Variants in HEPACAM2 observed in about 807,000 individuals in gnomAD.
The protein encoded by HEPACAM2 is mitotic kinetics regulator.
In HEPACAM2, 49 loss-of-function variants were observed where a neutral mutation model predicts 49.6. The ratio of observed to expected loss-of-function variants is 0.99; its 90% confidence interval spans 0.78 to 1.25. The LOEUF (loss-of-function observed/expected upper bound fraction) is 1.25. Ranked by LOEUF, HEPACAM2 falls within the 50% of genes most tolerant of loss-of-function variation. HEPACAM2 has a pLI of 0.00. For synonymous variants in HEPACAM2, 197 were observed against 202.9 expected, an observed-to-expected ratio of 0.97 and a Z score of 0.25; for missense variants, 525 against 557.2, an observed-to-expected ratio of 0.94 and a Z score of 0.58.
intron 4 of HEPACAM2, 21 bp from the exon 5 acceptor site, chr7:93,197,631 A>G: frequency 1.3e-6 from 2 of 1,534,658 alleles, no homozygotes; most frequent in South Asian, 1.2e-5. Context: ...AGATAAACAT[A>G]TTTTTAGCAA....
At chr7:93,213,504 A>G (rs1223104917) in intron 3 of HEPACAM2, among the ~76,000 whole-genome samples, 1 of 152,148 alleles carries the variant, frequency 6.6e-6, no homozygotes, top group Non-Finnish European at 1.5e-5. Flanking sequence ...TATAATGAAG[A>G]AGCTGTCACC....
In HEPACAM2 at chr7:93,204,325, T is replaced by C. The variant is rs546136934; in HGVS notation, c.1012+4255A>G. On this transcript the variant is annotated intron_variant, in intron 4 of 9. Transcript: ENST00000394468. Reference sequence around the variant, plus strand: ...GATGATTACATTTCCATAAACATTCTCTATCTATCTATCTATCTATCTATC... The same window carrying C: ...GATGATTACATTTCCATAAACATTCCCTATCTATCTATCTATCTATCTATC... Among the ~76,000 whole-genome samples the C allele has an allele frequency of 5.9e-4, 11 of 18,638 alleles. No individual in the cohort carries two copies. The East Asian group carries it at 7.1e-3, about 12-fold the overall frequency. 12.2% of individuals were successfully genotyped at this position (18,638 alleles called of 152,430 possible). A position where few individuals can be genotyped will look rare whatever the true frequency, so the allele number is the denominator to read the frequency against.
At position 93,215,446 on chromosome 7, in the gene HEPACAM2, G is replaced by C. The variant is rs774928451; in HGVS notation, c.670C>G (p.Pro224Ala). ...IGNYSCLVRN[P>A]VSEMESDIIM... is the part of the protein sequence containing the mutation. The stretch of plus-strand genomic sequence containing the variant: ...ATATCACTTTCCATTTCACTGACAG[G>C]GTTCCTCACCAGGCAGCTGTAATTC... The change falls in exon 3 of 10, where the codon CCT becomes GCT. Residue 224 changes from proline to alanine, a missense_variant. Pro to Ala is a conservative substitution (Grantham distance 27). Transcript: ENST00000394468. 1 of 1,613,764 alleles carries C rather than the reference G, an allele frequency of 6.2e-7. No homozygotes were observed. The highest frequency in any genetic ancestry group is 1.7e-5 in the Admixed American group (1 of 59,962).
At chr7:93,193,977 C>T (rs908570742) in intron 8 of HEPACAM2, among the ~76,000 whole-genome samples, 1 of 152,104 alleles carries the variant, frequency 6.6e-6, no homozygotes, top group Non-Finnish European at 1.5e-5. Context: ...GTCTTGATTT[C>T]TCACTTCTTC....
chr7:93,204,429 GTTAAAAC>G (rs1391069901), intron 4 of HEPACAM2, among the ~76,000 whole-genome samples: 4 of 151,962 alleles, frequency 2.6e-5, no homozygotes, highest in Non-Finnish European at 5.9e-5. Flanking sequence ...TTTTGGCTCA[GTTAAAAC>G]TTTAAAGTAG....
intron 2 of HEPACAM2, among the ~76,000 whole-genome samples, 181 bp downstream of exon 2, chr7:93,218,920 C>A (rs1449266665): frequency 6.6e-6 from 1 of 152,248 alleles, no homozygotes; most frequent in South Asian, 2.1e-4. Context: ...CTTATTTAAT[C>A]TTCAGAAAGC....
intron 1 of HEPACAM2, among the ~76,000 whole-genome samples, chr7:93,222,172 G>A (rs953929148): frequency 6.6e-6 from 1 of 152,132 alleles, no homozygotes; most frequent in Non-Finnish European, 1.5e-5. Flanking sequence ...GTAAGACATT[G>A]GGCCTTTGGA....
At chr7:93,207,797 C>T (rs1794067235) in intron 4 of HEPACAM2, among the ~76,000 whole-genome samples, 1 of 151,750 alleles carries the variant, frequency 6.6e-6, no homozygotes. Flanking sequence ...CAGAGACATC[C>T]AGAGGCAGCT....
chr7:93,229,842 G>A (rs994963388), upstream of HEPACAM2, among the ~76,000 whole-genome samples: 3 of 152,162 alleles, frequency 2.0e-5, no homozygotes, highest in Non-Finnish European at 2.9e-5. Flanking sequence ...TGTTTGTTAG[G>A]ATGCCAAGTT....
intron 8 of HEPACAM2, among the ~76,000 whole-genome samples, chr7:93,193,334 A>G (rs931303106): frequency 1.3e-5 from 2 of 152,052 alleles, no homozygotes; most frequent in African/African-American, 4.8e-5. Context: ...TTTTTGTGTC[A>G]AGGAAATTTT....
At chr7:93,219,491 A>G (rs550374974) in intron 1 of HEPACAM2, 40 bp from the exon 2 acceptor site, 12 of 1,611,474 alleles carry the variant, frequency 7.4e-6, no homozygotes, top group Non-Finnish European at 8.5e-6. Context: ...ACCTTGAGCC[A>G]CATTTCACAA....
At position 93,207,735 on chromosome 7, in the gene HEPACAM2, A is replaced by G. The variant is rs148387062; in HGVS notation, c.1012+845T>C. On this transcript the variant is annotated intron_variant, in intron 4 of 9. Coordinates refer to ENST00000394468, the MANE Select transcript of HEPACAM2 (RefSeq NM_001039372.4). ...GAATAGCAATTTTGGGGGAAAGAAG[A>G]TGGTTTAGTTTTGATATATCAGACC... Among the ~76,000 whole-genome samples the G allele has an allele frequency of 7.9e-5, 12 of 151,890 alleles. 1 individual carries two copies. Among genetic ancestry groups the G allele is most frequent in the African/African-American group, 2.7e-4 (11 of 41,452 alleles).
chr7:93,222,783 G>A (rs188969262), intron 1 of HEPACAM2, among the ~76,000 whole-genome samples: 73 of 152,240 alleles, frequency 4.8e-4, no homozygotes, highest in Admixed American at 1.0e-3. Context: ...ACAACCTGAG[G>A]TGCTTTTCTA....
intron 4 of HEPACAM2, among the ~76,000 whole-genome samples, chr7:93,203,500 C>A (rs967323168): frequency 2.6e-5 from 4 of 152,062 alleles, no homozygotes; most frequent in African/African-American, 4.8e-5. Context: ...GTTCTGGACA[C>A]CTGCAGGAGC....
Position 93,188,760 on chromosome 7 carries a change from G to T in HEPACAM2, c.*507C>A. 2.9e-6 allele frequency: 1 copy of T among 345,728 alleles called. No individual in the cohort carries two copies. Among genetic ancestry groups the T allele is most frequent in the Non-Finnish European group, 5.2e-6 (1 of 192,926 alleles). The allele number at this position is 345,728 out of a possible 1,614,324, so 21.4% of individuals were successfully genotyped here. ...TTGTGACAACCATCCTTATTACTTT[G>T]TTGTACAAATAACAAGATAGAAATT... is the stretch of plus-strand genomic sequence containing the variant. On this transcript the variant is annotated 3_prime_UTR_variant, in exon 10 of 10. Coordinates refer to ENST00000394468, the MANE Select transcript of HEPACAM2 (RefSeq NM_001039372.4).
chr7:93,208,048 A>G (rs954032845), intron 4 of HEPACAM2, among the ~76,000 whole-genome samples: 1 of 152,072 alleles, frequency 6.6e-6, no homozygotes, highest in Non-Finnish European at 1.5e-5. Context: ...GAGAAAGCCA[A>G]ATTTCACAGA....
At position 93,219,387 on chromosome 7, in the gene HEPACAM2, G is replaced by A; in HGVS notation, c.144C>T (p.Ala48=). Residue 48 remains alanine (A), a synonymous_variant, in exon 2 of 10, where the codon GCC becomes GCT. Coordinates refer to ENST00000394468, the MANE Select transcript of HEPACAM2 (RefSeq NM_001039372.4). ...SHTVHGVRGQ[A]LYLPVHYGFH... ...AGCCATAGTGGACGGGTAGGTAGAGGGCCTGACCTCTGACGCCATGGACAG... is the reference window on the plus strand; with the variant it reads ...AGCCATAGTGGACGGGTAGGTAGAGAGCCTGACCTCTGACGCCATGGACAG... The A allele has an allele frequency of 6.2e-7, 1 of 1,613,952 alleles. No homozygotes were observed. Among genetic ancestry groups the A allele is most frequent in the Non-Finnish European group, 8.5e-7 (1 of 1,179,934 alleles).
Position 93,198,894 on chromosome 7 carries a change from T to C in HEPACAM2, c.1013-1284A>G, listed in dbSNP as rs545726783. Among the ~76,000 whole-genome samples the C allele has an allele frequency of 6.6e-5, 10 of 152,248 alleles. No individual in the cohort carries two copies. The South Asian group carries it at 1.9e-3, about 28-fold the overall frequency. On this transcript the variant is annotated intron_variant, in intron 4 of 9. Coordinates refer to ENST00000394468, the MANE Select transcript of HEPACAM2 (RefSeq NM_001039372.4). ...TCTTTTCTTTCTCTCAGTATGAACCTACATTAACTCTCTTGGCTTTTCCAC... is the reference window on the plus strand; with the variant it reads ...TCTTTTCTTTCTCTCAGTATGAACCCACATTAACTCTCTTGGCTTTTCCAC...
At chr7:93,208,534 T>C (rs766019270) in intron 4 of HEPACAM2, 46 bp downstream of exon 4, 34 of 1,520,740 alleles carry the variant, frequency 2.2e-5, no homozygotes, top group Admixed American at 1.9e-4. Context: ...AAGGCCAGCA[T>C]GCATTCATGT....
Sources: allele counts gnomAD v4.1 joint callset (sites outside exome capture counted in the v4.1 genomes callset), GRCh38; gene constraint gnomAD v4.1.1; transcripts MANE v1.5; gene names NCBI Gene and HGNC (gene_info 2026-07-23, HGNC 2026-07-21).